The following MOB3B variants were observed in gnomAD, a reference collection of about 807,000 sequenced individuals.
MOB3B encodes the protein MOB kinase activator-like 2B.
MOB3B carries 7 observed loss-of-function variants against 18.7 expected under a neutral mutation model. The ratio of observed to expected loss-of-function variants is 0.37; its 90% confidence interval spans 0.21 to 0.70. The LOEUF is 0.70. Among genes scored for constraint, MOB3B ranks in the 30% least tolerant of loss-of-function variants. The pLI, the probability that MOB3B is intolerant of heterozygous loss-of-function variation, is 0.52. For missense variants in MOB3B, 253 were observed against 281.3 expected (o/e 0.90, Z 0.72); for synonymous variants, 111 against 99.9 (o/e 1.11, Z -0.66).
chr9:27,520,232 C>T (rs753874813), intron 1 of MOB3B, among the ~76,000 whole-genome samples: 10 of 152,178 alleles, frequency 6.6e-5, no homozygotes, highest in East Asian at 3.8e-4. Flanking sequence ...TCTGCCTTGT[C>T]CATTACAGTT....
intron 2 of MOB3B, among the ~76,000 whole-genome samples, chr9:27,365,364 CTTTTTT>C (rs55691019): frequency 8.6e-6 from 1 of 116,498 alleles, no homozygotes; most frequent in Non-Finnish European, 1.7e-5. Flanking sequence ...TCCTTCTTCT[CTTTTTT>C]TTTTTTTTTT....
chr9:27,364,885 A>G (rs1460023767), intron 2 of MOB3B, among the ~76,000 whole-genome samples: 1 of 152,202 alleles, frequency 6.6e-6, no homozygotes, highest in African/African-American at 2.4e-5. Context: ...GCATTAATAC[A>G]TCAATTCTGG....
At chr9:27,501,716 A>G (rs1366635158) in intron 1 of MOB3B, among the ~76,000 whole-genome samples, 1 of 150,758 alleles carries the variant, frequency 6.6e-6, no homozygotes, top group Non-Finnish European at 1.5e-5. Context: ...GCAGTGAGCC[A>G]AGATCGCCCC....
At chr9:27,391,580 C>T (rs1821728798) in intron 2 of MOB3B, among the ~76,000 whole-genome samples, 1 of 152,180 alleles carries the variant, frequency 6.6e-6, no homozygotes, top group African/African-American at 2.4e-5. Context: ...TAAGTGTTTA[C>T]ACTAAATAGC....
intron 1 of MOB3B, among the ~76,000 whole-genome samples, chr9:27,462,788 G>A (rs146185227): frequency 6.6e-6 from 1 of 152,298 alleles, no homozygotes; most frequent in Admixed American, 6.5e-5. Context: ...AAAATTTCTA[G>A]CCCTAGCACC....
intron 2 of MOB3B, among the ~76,000 whole-genome samples, chr9:27,398,308 T>C (rs11791484): frequency 0.092 from 13,934 of 152,242 alleles, 666 homozygotes; most frequent in South Asian, 0.12. Flanking sequence ...ACATTTGCTC[T>C]GGAGGATTTT....
chr9:27,382,405 T>G (rs1373140676), intron 2 of MOB3B, among the ~76,000 whole-genome samples: 1 of 152,116 alleles, frequency 6.6e-6, no homozygotes, highest in Admixed American at 6.5e-5. Flanking sequence ...TCCTAGTTAT[T>G]CCTGGTGCCC....
intron 2 of MOB3B, among the ~76,000 whole-genome samples, chr9:27,407,999 C>A (rs780709434): frequency 3.9e-5 from 6 of 152,106 alleles, no homozygotes; most frequent in Non-Finnish European, 8.8e-5. Context: ...TCCTCACAGG[C>A]CTTTCTATCT....
intron 2 of MOB3B, among the ~76,000 whole-genome samples, chr9:27,392,092 G>A (rs1821735272): frequency 6.6e-6 from 1 of 152,116 alleles, no homozygotes; most frequent in Admixed American, 6.5e-5. Flanking sequence ...TCCCCTCAGA[G>A]GCTTGCAAAA....
intron 2 of MOB3B, among the ~76,000 whole-genome samples, chr9:27,406,752 A>G (rs1821985129): frequency 6.6e-6 from 1 of 152,230 alleles, no homozygotes; most frequent in Admixed American, 6.5e-5. Flanking sequence ...AATGGATTAA[A>G]GACTTAATCG....
chr9:27,490,331 G>A (rs1819797068), intron 1 of MOB3B, among the ~76,000 whole-genome samples: 1 of 152,110 alleles, frequency 6.6e-6, no homozygotes, highest in African/African-American at 2.4e-5. Flanking sequence ...TAGTGAGAGA[G>A]ATTAGACACA....
At chr9:27,501,243 A>G (rs1436927895) in intron 1 of MOB3B, among the ~76,000 whole-genome samples, 1 of 152,226 alleles carries the variant, frequency 6.6e-6, no homozygotes, top group Non-Finnish European at 1.5e-5. Flanking sequence ...CAGCGATCCC[A>G]TTACTGGGTG....
intron 1 of MOB3B, among the ~76,000 whole-genome samples, chr9:27,467,469 T>A (rs945851917): frequency 1.1e-4 from 17 of 152,236 alleles, no homozygotes; most frequent in African/African-American, 3.1e-4. Flanking sequence ...CCAACCATAA[T>A]GTGCTCTTTC....
chr9:27,414,696 A>T (rs1211842743), intron 2 of MOB3B, among the ~76,000 whole-genome samples: 1 of 152,144 alleles, frequency 6.6e-6, no homozygotes, highest in Non-Finnish European at 1.5e-5. Context: ...ACATAAACAC[A>T]AGGTGACACG....
chr9:27,450,719 A>G (rs747137761), intron 2 of MOB3B, among the ~76,000 whole-genome samples: 2 of 152,168 alleles, frequency 1.3e-5, no homozygotes, highest in South Asian at 4.1e-4. Flanking sequence ...CTGGCCAGAC[A>G]CTCATGAGCT....
intron 3 of MOB3B, among the ~76,000 whole-genome samples, chr9:27,335,705 C>T (rs535853315): frequency 1.8e-4 from 28 of 152,298 alleles, no homozygotes; most frequent in African/African-American, 6.5e-4. Context: ...CTTCTCCCAT[C>T]GCCAACACCC....
chr9:27,359,346 C>A, intron 2 of MOB3B, 110 bp from the exon 3 acceptor site: 1 of 887,828 alleles, frequency 1.1e-6, no homozygotes, highest in Non-Finnish European at 1.8e-6. Flanking sequence ...AGACTGGCAC[C>A]CGTCACAGGA....
intron 1 of MOB3B, among the ~76,000 whole-genome samples, chr9:27,474,797 T>A (rs933483141): frequency 6.6e-6 from 1 of 152,222 alleles, no homozygotes; most frequent in Admixed American, 6.5e-5. Context: ...AATCCACTGT[T>A]ATATATGAAA....
chr9:27,510,501 A>G (rs932840759), intron 1 of MOB3B, among the ~76,000 whole-genome samples: 6 of 152,192 alleles, frequency 3.9e-5, no homozygotes, highest in Admixed American at 2.6e-4. Flanking sequence ...GATCTTTTTA[A>G]AAGTATGTAG....
Sources: gnomAD v4.1 joint callset for allele counts (sites outside exome capture counted in the v4.1 genomes callset) on GRCh38, gnomAD v4.1.1 for gene constraint, MANE v1.5 for transcripts, NCBI Gene and HGNC (gene_info 2026-07-23, HGNC 2026-07-21) for gene names.